The following KLF12 variants were observed in gnomAD, a reference collection of about 807,000 sequenced individuals.
The protein encoded by KLF12 is KLF transcription factor 12.
In KLF12, 9 loss-of-function variants were observed where a neutral mutation model predicts 37.8. That is an observed-to-expected ratio of 0.24 (90% confidence interval 0.14 to 0.42). The LOEUF (loss-of-function observed/expected upper bound fraction) is 0.42. Among genes scored for constraint, KLF12 ranks in the 10% least tolerant of loss-of-function variants. KLF12 has a pLI of 1.00. For synonymous variants in KLF12, 208 were observed against 202.1 expected (o/e 1.03, Z -0.25); for missense variants, 411 against 516.0 (o/e 0.80, Z 1.97).
chr13:73,893,078 C>T (rs1887589038), intron 3 of KLF12, among the ~76,000 whole-genome samples: 2 of 151,600 alleles, frequency 1.3e-5, no homozygotes, highest in South Asian at 4.2e-4. Context: ...TGATTATCAG[C>T]CCCCAAAGCA....
chr13:73,846,113 A>T lies in KLF12; in HGVS notation c.384T>A (p.Thr128=). 6.2e-7 allele frequency: 1 copy of T among 1,614,106 alleles called. No individual in the cohort carries two copies. The highest frequency in any genetic ancestry group is 8.5e-7 in the Non-Finnish European group (1 of 1,179,984). Reference sequence around the variant, plus strand: ...ACGCTGAAGATACTGATGTGATAACAGTTGGGGATGAGGCTAGACGACTAG... The same window carrying T: ...ACGCTGAAGATACTGATGTGATAACTGTTGGGGATGAGGCTAGACGACTAG... The change falls in exon 4 of 8, where the codon ACT becomes ACA. Residue 128 remains threonine (T), a synonymous_variant. Coordinates refer to ENST00000377669, the MANE Select transcript of KLF12 (RefSeq NM_007249.5).
At chr13:73,940,077 A>G (rs1023963732) in intron 3 of KLF12, among the ~76,000 whole-genome samples, 7 of 152,150 alleles carry the variant, frequency 4.6e-5, no homozygotes, top group South Asian at 2.1e-4. Flanking sequence ...ATCACATAGT[A>G]TATCTCTGGG....
At chr13:73,849,387 A>C in intron 3 of KLF12, among the ~76,000 whole-genome samples, 1 of 151,128 alleles carries the variant, frequency 6.6e-6, no homozygotes, top group Non-Finnish European at 1.5e-5. Context: ...AAAAAAAAAA[A>C]AAAAAAAAAA....
At position 73,687,895 on chromosome 13, in the gene KLF12, A is replaced by G. The variant is rs1478673360; in HGVS notation, c.*7595T>C. On this transcript the variant is annotated 3_prime_UTR_variant, in exon 8 of 8. Coordinates refer to ENST00000377669, the MANE Select transcript of KLF12 (RefSeq NM_007249.5). Reference sequence around the variant, plus strand: ...AAAAAGTACTGAGGCGACTGTTTCCACTATTGATCTCTTTTCAACTCACTT... The same window carrying G: ...AAAAAGTACTGAGGCGACTGTTTCCGCTATTGATCTCTTTTCAACTCACTT... 6.6e-6 allele frequency: 1 copy of G among 152,210 alleles called. No individual in the cohort carries two copies. Among genetic ancestry groups the G allele is most frequent in the Non-Finnish European group, 1.5e-5 (1 of 68,038 alleles). The allele number at this position is 152,210 out of a possible 1,614,324, so 9.4% of individuals were successfully genotyped here.
At chr13:73,707,173 C>G (rs1875016071) in intron 7 of KLF12, among the ~76,000 whole-genome samples, 1 of 152,204 alleles carries the variant, frequency 6.6e-6, no homozygotes, top group African/African-American at 2.4e-5. Flanking sequence ...TCGAGAGAAA[C>G]CAGAGTTTCA....
chr13:73,813,431 G>A (rs1391656517), intron 4 of KLF12, 144 bp from the exon 5 acceptor site: 3 of 883,362 alleles, frequency 3.4e-6, no homozygotes, highest in African/African-American at 1.7e-5. Context: ...GAAAGCTCCA[G>A]GTTTTATGTT....
chr13:74,262,690 T>G, the KLF12 span, among the ~76,000 whole-genome samples: 2 of 152,188 alleles, frequency 1.3e-5, no homozygotes, highest in African/African-American at 4.8e-5. Flanking sequence ...CACAGTTGGT[T>G]CAATCCCTGA....
intron 1 of KLF12, among the ~76,000 whole-genome samples, chr13:74,055,586 T>G (rs1468652760): frequency 6.6e-6 from 1 of 152,156 alleles, no homozygotes; most frequent in Non-Finnish European, 1.5e-5. Context: ...CCTTCCACAG[T>G]GTTTTTACAA....
intron 1 of KLF12, among the ~76,000 whole-genome samples, chr13:74,007,885 GA>G (rs199510691): frequency 1.5e-3 from 213 of 142,072 alleles, no homozygotes; most frequent in African/African-American, 3.4e-3. Flanking sequence ...CTGGTACATG[GA>G]AAAAAAAAAA....
At chr13:73,728,544 A>G (rs1390855117) in intron 6 of KLF12, among the ~76,000 whole-genome samples, 1 of 152,230 alleles carries the variant, frequency 6.6e-6, no homozygotes, top group Non-Finnish European at 1.5e-5. Flanking sequence ...TCTACCATTA[A>G]GTATGTTAGA....
chr13:73,711,024 G>T (rs997283427), intron 7 of KLF12, among the ~76,000 whole-genome samples: 7 of 152,150 alleles, frequency 4.6e-5, no homozygotes, highest in African/African-American at 1.7e-4. Flanking sequence ...AAGTTTGAGT[G>T]GTCTGGATAG....
At chr13:73,856,616 C>G (rs1401359830) in intron 3 of KLF12, among the ~76,000 whole-genome samples, 1 of 152,008 alleles carries the variant, frequency 6.6e-6, no homozygotes, top group Non-Finnish European at 1.5e-5. Context: ...ATCCATTCAA[C>G]ATCTATCCCT....
the KLF12 span, among the ~76,000 whole-genome samples, chr13:74,220,278 G>T: frequency 6.6e-6 from 1 of 152,106 alleles, no homozygotes; most frequent in Non-Finnish European, 1.5e-5. Flanking sequence ...TTTTCACATT[G>T]TAGATTTTTG....
At chr13:74,268,515 C>T in the KLF12 span, among the ~76,000 whole-genome samples, 2 of 152,136 alleles carry the variant, frequency 1.3e-5, no homozygotes, top group Admixed American at 6.5e-5. Context: ...GTGGTTTTAT[C>T]ATGTACCCTA....
At chr13:74,035,823 A>G (rs997892604) in intron 1 of KLF12, among the ~76,000 whole-genome samples, 3 of 152,196 alleles carry the variant, frequency 2.0e-5, no homozygotes, top group Non-Finnish European at 2.9e-5. Context: ...GATTTCTAAG[A>G]CTGGTAATTT....
intron 3 of KLF12, among the ~76,000 whole-genome samples, chr13:73,890,042 T>C (rs1887427871): frequency 6.6e-6 from 1 of 152,134 alleles, no homozygotes; most frequent in Non-Finnish European, 1.5e-5. Context: ...TATATTGACC[T>C]TAATCATATG....
chr13:74,198,145 G>GAGAA, the KLF12 span, among the ~76,000 whole-genome samples: 1 of 152,066 alleles, frequency 6.6e-6, no homozygotes, highest in Non-Finnish European at 1.5e-5. Flanking sequence ...CTCAAGTAGA[G>GAGAA]AGAAAGCAAG....
At chr13:73,767,354 G>A (rs1332826568) in intron 5 of KLF12, among the ~76,000 whole-genome samples, 1 of 152,158 alleles carries the variant, frequency 6.6e-6, no homozygotes, top group East Asian at 1.9e-4. Flanking sequence ...CTGCATCTAG[G>A]CAGGAAGCTT....
At chr13:74,024,862 A>G (rs1892934524) in intron 1 of KLF12, among the ~76,000 whole-genome samples, 1 of 152,210 alleles carries the variant, frequency 6.6e-6, no homozygotes. Flanking sequence ...TACTTCAAAT[A>G]TTTGATACTC....
Sources: gnomAD v4.1 joint callset for allele counts (sites outside exome capture counted in the v4.1 genomes callset) on GRCh38, gnomAD v4.1.1 for gene constraint, MANE v1.5 for transcripts, NCBI Gene and HGNC (gene_info 2026-07-23, HGNC 2026-07-21) for gene names.